Variants in RAD52 observed in about 807,000 individuals in gnomAD.
The protein encoded by RAD52 is DNA repair protein RAD52 homolog.
A neutral mutation model predicts 55.5 loss-of-function variants in RAD52; 47 were observed. That is an observed-to-expected ratio of 0.85 (90% CI 0.67 to 1.08). The LOEUF is 1.08. Ranked by LOEUF, RAD52 falls within the 50% of genes least tolerant of loss-of-function variation. The pLI, the probability that RAD52 is intolerant of heterozygous loss-of-function variation, is 0.00. For missense variants in RAD52, 468 were observed against 522.8 expected (o/e 0.90, Z 1.02); for synonymous variants, 184 against 198.9 (o/e 0.92, Z 0.63).
At chr12:957,920 T>G (rs1958630430) in intron 1 of RAD52, among the ~76,000 whole-genome samples, 1 of 152,270 alleles carries the variant, frequency 6.6e-6, no homozygotes, top group Non-Finnish European at 1.5e-5. Flanking sequence ...GAATCATCAT[T>G]TGTTTTGCTG....
In RAD52 at chr12:935,710, G is replaced by A. The variant is rs545071023; in HGVS notation, c.-18-2634C>T. On this transcript the variant is annotated intron_variant, in intron 1 of 11. Transcript: ENST00000358495. ...CTCTACTAAAAATACAAAATTAGCC[G>A]GGTGTGGTGGTGCATGCCTGTAATC... Among the ~76,000 whole-genome samples the A allele has an allele frequency of 3.0e-3, 457 of 151,604 alleles. 3 individuals carry two copies. The highest frequency in any genetic ancestry group is 3.7e-3 in the Non-Finnish European group (251 of 67,916).
intron 1 of RAD52, among the ~76,000 whole-genome samples, chr12:982,656 C>CT (rs34866890): frequency 0.18 from 15,866 of 86,348 alleles, 3,354 homozygotes; most frequent in African/African-American, 0.34. Context: ...ACAATCTAGA[C>CT]TTTTTTTTTT....
chr12:949,722 A>C (rs1315895717), upstream of RAD52: 2 of 147,932 alleles, frequency 1.4e-5, no homozygotes, highest in African/African-American at 5.0e-5. Context: ...GTCTCTGGGA[A>C]GAAGGTCCGA....
chr12:963,556 T>C (rs1958715994), intron 1 of RAD52, among the ~76,000 whole-genome samples: 2 of 152,238 alleles, frequency 1.3e-5, no homozygotes. Context: ...AGCTTTCCAC[T>C]GATTCCTTTC....
chr12:913,727 A>G (rs1260069654), intron 11 of RAD52, among the ~76,000 whole-genome samples, 167 bp downstream of exon 11: 1 of 152,168 alleles, frequency 6.6e-6, no homozygotes, highest in Non-Finnish European at 1.5e-5. Flanking sequence ...AGCCCAAAGG[A>G]AACGTTCTGG....
chr12:956,840 C>A (rs561033331), intron 1 of RAD52, among the ~76,000 whole-genome samples: 1 of 152,180 alleles, frequency 6.6e-6, no homozygotes, highest in Non-Finnish European at 1.5e-5. Flanking sequence ...AGCCACCGCG[C>A]CTGGCCCCAT....
rs746867957 is a variant in RAD52 at position 927,257 on chromosome 12, A to C, written c.355T>G (p.Ser119Ala). ...AFVRVQLKDG[S>A]YHEDVGYGVS... ...CCATAACCAACATCTTCATGATATG[A>C]ACCATCCTGGGGGCAGAAAAGGAGT... The change falls in exon 6 of 12, where the codon TCA (serine) becomes GCA (alanine). Residue 119 changes from serine (S) to alanine (A), a missense_variant. Physicochemically the swap from Ser to Ala is moderately conservative, Grantham distance 99. Coordinates refer to ENST00000358495, the MANE Select transcript of RAD52 (RefSeq NM_134424.4). The C allele has an allele frequency of 1.2e-5, 19 of 1,612,450 alleles. No homozygotes were observed. The South Asian group carries it at 2.1e-4, about 18-fold the overall frequency.
chr12:973,932 C>T (rs956586648), intron 1 of RAD52, among the ~76,000 whole-genome samples: 9 of 151,968 alleles, frequency 5.9e-5, no homozygotes, highest in Middle Eastern at 6.8e-3. Flanking sequence ...ACCACAGGCA[C>T]GTACCACCAC....
upstream of RAD52, chr12:990,467 C>T (rs1380240129): frequency 6.6e-6 from 1 of 152,168 alleles, no homozygotes; most frequent in Non-Finnish European, 1.5e-5. Flanking sequence ...CTGTCGGAGG[C>T]TAAATAAACA....
At chr12:956,192 G>A (rs1044457548) in intron 1 of RAD52, among the ~76,000 whole-genome samples, 3 of 152,072 alleles carry the variant, frequency 2.0e-5, no homozygotes, top group South Asian at 2.1e-4. Context: ...TTAGCACTAC[G>A]ACAGCCATCT....
chr12:952,721 G>A (rs565981438), upstream of RAD52, among the ~76,000 whole-genome samples: 3 of 150,174 alleles, frequency 2.0e-5, no homozygotes, highest in Admixed American at 6.7e-5. Context: ...GTAAAACCCC[G>A]TCTCTACTAA....
chr12:964,254 G>C (rs1435173613), intron 1 of RAD52, among the ~76,000 whole-genome samples: 1 of 152,060 alleles, frequency 6.6e-6, no homozygotes, highest in Non-Finnish European at 1.5e-5. Flanking sequence ...AAGAAAGGTG[G>C]GGGGAAAGAT....
chr12:945,815 G>A (rs1432172148), intron 1 of RAD52, among the ~76,000 whole-genome samples: 3 of 149,110 alleles, frequency 2.0e-5, no homozygotes, highest in Non-Finnish European at 4.5e-5. Flanking sequence ...ATGAGGTCAG[G>A]AGTTCGAGAC....
chr12:946,007 G>A (rs10849598), intron 1 of RAD52, among the ~76,000 whole-genome samples: 15,337 of 151,836 alleles, frequency 0.1, 922 homozygotes, highest in Middle Eastern at 0.22. Flanking sequence ...TGGGCGACAA[G>A]AGTGAAACTC....
intron 1 of RAD52, among the ~76,000 whole-genome samples, chr12:981,725 C>A (rs1959018179): frequency 6.7e-6 from 1 of 149,034 alleles, no homozygotes; most frequent in Admixed American, 6.8e-5. Context: ...CCACTGCACT[C>A]TAGCCTGGGC....
rs1195061626 is a variant in RAD52 at position 912,742 on chromosome 12, A to AC, written c.*648_*649insG. The AC allele has an allele frequency of 4.9e-5, 6 of 121,694 alleles. No individual in the cohort carries two copies. The East Asian group carries it at 8.1e-4, about 16-fold the overall frequency. The allele number at this position is 121,694 out of a possible 1,614,324, so 7.5% of individuals were successfully genotyped here. On this transcript the variant is annotated 3_prime_UTR_variant, in exon 12 of 12. Transcript: ENST00000358495. The stretch of plus-strand genomic sequence containing the variant: ...CGTCTCAAAAAAAAAAAAAAAAAAA[A>AC]AAACAAAAAACAGCCTTTTTTCGTG...
chr12:921,917 C>G (rs1956748985), intron 7 of RAD52, among the ~76,000 whole-genome samples: 3 of 151,370 alleles, frequency 2.0e-5, no homozygotes, highest in African/African-American at 7.3e-5. Context: ...ACCAGCCTGA[C>G]CAACATGGTG....
rs763842232 is a variant in RAD52, at chr12:916,455, C to T, written c.754G>A (p.Glu252Lys). 14 of 1,607,294 alleles carry T rather than the reference C, an allele frequency of 8.7e-6. No individual in the cohort carries two copies. Among genetic ancestry groups the T allele is most frequent in the Non-Finnish European group, 1.0e-5 (12 of 1,179,362 alleles). ...RSLSSSAVES[E>K]ATHQRKLRQK... ...CGGAGCTTCCGCTGGTGCGTGGCCT[C>T]GCTCTCCACGGCGGATGAGCTCAGG... is the stretch of plus-strand genomic sequence containing the variant. Residue 252 changes from glutamate (E) to lysine (K), a missense_variant, in exon 9 of 12, where the codon GAG (glutamate) becomes AAG (lysine). Transcript: ENST00000358495.
At chr12:970,916 T>TAG (rs202042008) in intron 1 of RAD52, among the ~76,000 whole-genome samples, 6 of 149,642 alleles carry the variant, frequency 4.0e-5, no homozygotes, top group South Asian at 2.1e-4. Context: ...AATATATACG[T>TAG]AGAGAGAGAG....
Sources: allele counts gnomAD v4.1 joint callset (sites outside exome capture counted in the v4.1 genomes callset), GRCh38; gene constraint gnomAD v4.1.1; transcripts MANE v1.5; gene names NCBI Gene and HGNC (gene_info 2026-07-23, HGNC 2026-07-21).